Variants in RSPO2 observed in about 807,000 individuals in gnomAD.
RSPO2 encodes the protein R-spondin 2.
A neutral mutation model predicts 30.9 loss-of-function variants in RSPO2; 14 were observed. The ratio of observed to expected loss-of-function variants is 0.45; its 90% CI spans 0.30 to 0.71. RSPO2 has a LOEUF of 0.71. Ranked by LOEUF, RSPO2 falls within the 30% of genes least tolerant of loss-of-function variation. The pLI is 0.08. For synonymous variants in RSPO2, 107 were observed against 96.4 expected, an observed-to-expected ratio of 1.11 and a Z score of -0.64; for missense variants, 264 against 301.9, an observed-to-expected ratio of 0.87 and a Z score of 0.93.
At chr8:108,026,304 C>A (rs1811215464) in intron 2 of RSPO2, among the ~76,000 whole-genome samples, 2 of 152,072 alleles carry the variant, frequency 1.3e-5, no homozygotes, top group Non-Finnish European at 2.9e-5. Context: ...CCACTAAATG[C>A]AATATATGAC....
intron 5 of RSPO2, among the ~76,000 whole-genome samples, chr8:107,909,061 G>A (rs1051443601): frequency 6.6e-6 from 1 of 152,134 alleles, no homozygotes; most frequent in African/African-American, 2.4e-5. Flanking sequence ...CTGCACTGGT[G>A]AGGGTGGAAA....
In RSPO2 at chr8:108,082,653, G is replaced by C. The variant is rs749398150; in HGVS notation, c.-15C>G. 1.2e-5 allele frequency: 19 copies of C among 1,607,490 alleles called. No homozygotes were observed. The highest frequency in any genetic ancestry group is 2.2e-5 in the East Asian group (1 of 44,848). On this transcript the variant is annotated 5_prime_UTR_variant, in exon 2 of 6. Coordinates refer to ENST00000276659, the MANE Select transcript of RSPO2 (RefSeq NM_178565.5). ...CGAAACTGCATCTGGGCGGTCGGGCGGGGGAGAGACGCCTCTCAAAGTCTA... is the reference window on the plus strand; with the variant it reads ...CGAAACTGCATCTGGGCGGTCGGGCCGGGGAGAGACGCCTCTCAAAGTCTA...
chr8:107,901,386 CAG>C (rs1373131213), intron 5 of RSPO2, among the ~76,000 whole-genome samples, 196 bp from the exon 6 acceptor site: 1 of 152,184 alleles, frequency 6.6e-6, no homozygotes, highest in Non-Finnish European at 1.5e-5. Context: ...CTGTCTAAAA[CAG>C]AGACTGATTT....
chr8:108,008,984 G>A (rs555254435), intron 2 of RSPO2, among the ~76,000 whole-genome samples: 197 of 152,090 alleles, frequency 1.3e-3, no homozygotes, highest in Middle Eastern at 3.4e-3. Context: ...ATTGAAAAAG[G>A]TAGAAATTAA....
intron 5 of RSPO2, among the ~76,000 whole-genome samples, chr8:107,935,975 C>T (rs1812711593): frequency 1.3e-5 from 2 of 152,152 alleles, no homozygotes; most frequent in South Asian, 4.1e-4. Context: ...ACCCTCTCTT[C>T]TAGCTTCTTT....
At chr8:107,960,114 A>C (rs1813575736) in intron 4 of RSPO2, among the ~76,000 whole-genome samples, 1 of 152,152 alleles carries the variant, frequency 6.6e-6, no homozygotes, top group African/African-American at 2.4e-5. Flanking sequence ...GAAGATATAA[A>C]ATTTATAAAA....
intron 2 of RSPO2, among the ~76,000 whole-genome samples, chr8:108,063,167 G>A (rs1387618089): frequency 1.3e-5 from 2 of 151,742 alleles, no homozygotes; most frequent in Admixed American, 6.6e-5. Context: ...AAATAGTGTT[G>A]GAAGTTCTGG....
intron 2 of RSPO2, among the ~76,000 whole-genome samples, chr8:108,067,186 C>T (rs1004831685): frequency 3.9e-5 from 6 of 152,298 alleles, no homozygotes; most frequent in Admixed American, 3.3e-4. Flanking sequence ...TAGGTACATA[C>T]CCACCAAGTG....
intron 2 of RSPO2, chr8:108,081,806 G>T: frequency 1.7e-6 from 1 of 578,104 alleles, no homozygotes; most frequent in Non-Finnish European, 2.2e-6. Context: ...GCCTCCACCG[G>T]TGTGGCTGCT....
chr8:107,939,699 A>C (rs1052200325), intron 5 of RSPO2, among the ~76,000 whole-genome samples: 1 of 152,100 alleles, frequency 6.6e-6, no homozygotes, highest in Non-Finnish European at 1.5e-5. Flanking sequence ...AGAAGATGGC[A>C]AGTTAAATGC....
At chr8:108,057,775 T>C (rs1812303918) in intron 2 of RSPO2, among the ~76,000 whole-genome samples, 1 of 152,014 alleles carries the variant, frequency 6.6e-6, no homozygotes. Flanking sequence ...ATATAACCAG[T>C]TTCTTCAGTT....
chr8:107,921,910 C>A (rs1411970911), intron 5 of RSPO2, among the ~76,000 whole-genome samples: 2 of 151,242 alleles, frequency 1.3e-5, no homozygotes, highest in Non-Finnish European at 3.0e-5. Flanking sequence ...CATTCCTTCA[C>A]AATAAAAACT....
chr8:107,975,685 C>T (rs1307725233), intron 3 of RSPO2, among the ~76,000 whole-genome samples: 11 of 152,192 alleles, frequency 7.2e-5, no homozygotes, highest in Non-Finnish European at 1.6e-4. Flanking sequence ...TATGAGATGC[C>T]AAGGCCTTGA....
chr8:108,078,518 A>T (rs951995719), intron 2 of RSPO2, among the ~76,000 whole-genome samples: 3 of 147,980 alleles, frequency 2.0e-5, no homozygotes, highest in African/African-American at 7.3e-5. Flanking sequence ...AACTATTTAG[A>T]AAGTATTTGT....
At chr8:108,039,589 A>G (rs1378285835) in intron 2 of RSPO2, among the ~76,000 whole-genome samples, 1 of 152,166 alleles carries the variant, frequency 6.6e-6, no homozygotes, top group Non-Finnish European at 1.5e-5. Flanking sequence ...AATATTTGAA[A>G]GGTGGTTTGT....
At chr8:107,959,206 A>T (rs2130436323) in intron 4 of RSPO2, among the ~76,000 whole-genome samples, 1 of 152,318 alleles carries the variant, frequency 6.6e-6, no homozygotes, top group South Asian at 2.1e-4. Flanking sequence ...TGTTCTTTCA[A>T]CAGGTTTCTG....
chr8:107,951,082 T>C (rs1327863678), intron 5 of RSPO2, among the ~76,000 whole-genome samples: 1 of 151,466 alleles, frequency 6.6e-6, no homozygotes, highest in Non-Finnish European at 1.5e-5. Flanking sequence ...TTGTTGTTGT[T>C]TTTGAGAAGG....
chr8:108,057,415 C>G (rs944444728), intron 2 of RSPO2, among the ~76,000 whole-genome samples: 2 of 152,026 alleles, frequency 1.3e-5, no homozygotes, highest in African/African-American at 2.4e-5. Context: ...AAATTGCCAA[C>G]AATGAATAGA....
intron 5 of RSPO2, among the ~76,000 whole-genome samples, chr8:107,923,715 A>G (rs77370115): frequency 2.6e-5 from 4 of 152,184 alleles, no homozygotes; most frequent in African/African-American, 9.7e-5. Context: ...TAGTACATAT[A>G]TACCATGGAA....
Sources: allele counts gnomAD v4.1 joint callset (sites outside exome capture counted in the v4.1 genomes callset), GRCh38; gene constraint gnomAD v4.1.1; transcripts MANE v1.5; gene names NCBI Gene and HGNC (gene_info 2026-07-23, HGNC 2026-07-21).